The following RNF180 variants were observed in gnomAD, a reference collection of about 807,000 sequenced individuals.
RNF180 encodes the protein E3 ubiquitin-protein ligase RNF180.
RNF180 carries 38 observed loss-of-function variants against 59.2 expected under a neutral mutation model. The ratio of observed to expected loss-of-function variants is 0.64; its 90% CI spans 0.50 to 0.84. The LOEUF (loss-of-function observed/expected upper bound fraction) is 0.84. Ranked by LOEUF, RNF180 falls within the 40% of genes least tolerant of loss-of-function variation. The pLI is 0.00. For missense variants in RNF180, 705 were observed against 700.9 expected (o/e 1.01, Z -0.07); for synonymous variants, 262 against 240.3 (o/e 1.09, Z -0.84).
At chr5:64,215,048 G>T (rs1478811503) in intron 4 of RNF180, among the ~76,000 whole-genome samples, 1 of 151,980 alleles carries the variant, frequency 6.6e-6, no homozygotes, top group Non-Finnish European at 1.5e-5. Flanking sequence ...TATCTAAAGG[G>T]TAATTTACCC....
intron 2 of RNF180, among the ~76,000 whole-genome samples, chr5:64,203,763 T>C (rs1406072348): frequency 6.6e-6 from 1 of 152,134 alleles, no homozygotes; most frequent in Non-Finnish European, 1.5e-5. Context: ...GAGGGGGGCT[T>C]CTAAAGTAAT....
chr5:64,186,511 A>G (rs1039578144), intron 1 of RNF180, among the ~76,000 whole-genome samples: 1 of 152,020 alleles, frequency 6.6e-6, no homozygotes, highest in African/African-American at 2.4e-5. Context: ...CTCCCAGTCA[A>G]CTGGCTTAGA....
intron 5 of RNF180, among the ~76,000 whole-genome samples, chr5:64,288,699 G>A (rs1742416437): frequency 1.3e-5 from 2 of 152,068 alleles, no homozygotes; most frequent in Non-Finnish European, 2.9e-5. Context: ...CTGCCCACCT[G>A]TTGTTGGTTT....
intron 5 of RNF180, among the ~76,000 whole-genome samples, chr5:64,315,029 G>A (rs1443703297): frequency 1.4e-4 from 21 of 152,150 alleles, no homozygotes; most frequent in African/African-American, 5.1e-4. Flanking sequence ...TTTGCACTTT[G>A]AGTGGTTCAT....
chr5:64,343,295 A>G (rs925144642), intron 7 of RNF180, among the ~76,000 whole-genome samples: 3 of 152,168 alleles, frequency 2.0e-5, no homozygotes, highest in African/African-American at 7.2e-5. Context: ...CTATAAAAAA[A>G]GAATAAAACA....
At chr5:64,266,214 A>C (rs1185064800) in intron 5 of RNF180, among the ~76,000 whole-genome samples, 1 of 151,990 alleles carries the variant, frequency 6.6e-6, no homozygotes, top group Non-Finnish European at 1.5e-5. Flanking sequence ...CGCTTTATTT[A>C]TTTCTTTTGC....
intron 5 of RNF180, among the ~76,000 whole-genome samples, chr5:64,256,888 T>TCCTTC (rs1744001304): frequency 6.6e-6 from 1 of 152,140 alleles, no homozygotes; most frequent in African/African-American, 2.4e-5. Context: ...TGAGCAGTGG[T>TCCTTC]TTGTAGTTCT....
In RNF180 at chr5:64,176,338, T is replaced by C. The variant is rs1317988385; in HGVS notation, c.-1+10385T>C. Among the ~76,000 whole-genome samples the C allele has an allele frequency of 2.6e-5, 4 of 152,106 alleles. No homozygotes were observed. In the East Asian group the frequency reaches 7.7e-4, roughly 29 times the overall value. On this transcript the variant is annotated intron_variant, in intron 1 of 7. Coordinates refer to ENST00000389100, the MANE Select transcript of RNF180 (RefSeq NM_001113561.2). Reference sequence around the variant, plus strand: ...ATCCCCTTTTTCATTTCTAATTTTATTTGAGTCTCCTATCTTCTTTTTCTT... The same window carrying C: ...ATCCCCTTTTTCATTTCTAATTTTACTTGAGTCTCCTATCTTCTTTTTCTT...
intron 5 of RNF180, among the ~76,000 whole-genome samples, chr5:64,245,364 C>G (rs553487859): frequency 6.6e-6 from 1 of 152,154 alleles, no homozygotes; most frequent in African/African-American, 2.4e-5. Flanking sequence ...GTGCTGTATT[C>G]AGGAGACCAA....
intron 7 of RNF180, among the ~76,000 whole-genome samples, chr5:64,339,226 C>G (rs1398683910): frequency 6.6e-6 from 1 of 151,824 alleles, no homozygotes. Flanking sequence ...TTTATACATT[C>G]ATTTCTGTTC....
At chr5:64,217,526 T>C (rs1752697780) in intron 5 of RNF180, 130 bp downstream of exon 5, 2 of 1,264,034 alleles carry the variant, frequency 1.6e-6, no homozygotes, top group Non-Finnish European at 2.0e-6. Flanking sequence ...GTATTCTCAG[T>C]GTTTTAAAAT....
chr5:64,278,216 A>G (rs1353571017), intron 5 of RNF180, among the ~76,000 whole-genome samples: 2 of 152,204 alleles, frequency 1.3e-5, no homozygotes, highest in Admixed American at 1.3e-4. Context: ...CAGGGCCTGC[A>G]CTTTTAACGT....
intron 7 of RNF180, among the ~76,000 whole-genome samples, chr5:64,348,712 G>A (rs1380215891): frequency 6.6e-6 from 1 of 151,844 alleles, no homozygotes; most frequent in African/African-American, 2.4e-5. Context: ...AATATTTCCT[G>A]TTGGGATGAT....
At chr5:64,342,617 C>T (rs1033202576) in intron 7 of RNF180, among the ~76,000 whole-genome samples, 10 of 152,066 alleles carry the variant, frequency 6.6e-5, no homozygotes, top group Non-Finnish European at 1.3e-4. Context: ...TAAGAATCCT[C>T]CTTAAGATAT....
At chr5:64,190,176 T>C (rs975030472) in intron 1 of RNF180, among the ~76,000 whole-genome samples, 19 of 152,202 alleles carry the variant, frequency 1.2e-4, no homozygotes, top group African/African-American at 4.3e-4. Context: ...GCCGCTGTTA[T>C]GGTGGGCCTG....
At chr5:64,192,936 TATAA>T (rs1456114629) in intron 1 of RNF180, among the ~76,000 whole-genome samples, 28 of 126,796 alleles carry the variant, frequency 2.2e-4, no homozygotes, top group African/African-American at 7.1e-4. Flanking sequence ...TATATATATA[TATAA>T]AATGAAACAT....
chr5:64,258,284 A>G (rs567324887), intron 5 of RNF180, among the ~76,000 whole-genome samples: 1 of 152,312 alleles, frequency 6.6e-6, no homozygotes, highest in African/African-American at 2.4e-5. Flanking sequence ...GGAAATTTAA[A>G]AAAAGATTAA....
At chr5:64,246,248 C>T (rs1053925466) in intron 5 of RNF180, among the ~76,000 whole-genome samples, 18 of 151,828 alleles carry the variant, frequency 1.2e-4, no homozygotes, top group African/African-American at 3.1e-4. Flanking sequence ...TAGCAGAAGA[C>T]GAGTAATAAC....
Position 64,330,296 on chromosome 5 carries a change from CA to C in RNF180, c.1474del (p.Thr492LeufsTer8). On this transcript the variant is annotated frameshift_variant, in exon 7 of 8. Transcript: ENST00000389100. LOFTEE classifies it high-confidence loss of function. Reference protein sequence around the residue: ...VFFQTELNNATKTFFTKEYLK... With the variant: ...VFFQTELNNAXKTFFTKEYLK... ...TTTATTCTAGAATTGAACAATGCCA[CA>C]AAAACTTTCTTTACTAAAGAATATT... is the stretch of plus-strand genomic sequence containing the variant. 1.3e-6 allele frequency: 2 copies of C among 1,492,148 alleles called. No homozygotes were observed. The highest frequency in any genetic ancestry group is 1.8e-6 in the Non-Finnish European group (2 of 1,103,700). The allele number at this position is 1,492,148 out of a possible 1,614,324, so 92.4% of individuals were successfully genotyped here.
Sources: gnomAD v4.1 joint callset for allele counts (sites outside exome capture counted in the v4.1 genomes callset) on GRCh38, gnomAD v4.1.1 for gene constraint, MANE v1.5 for transcripts, NCBI Gene and HGNC (gene_info 2026-07-23, HGNC 2026-07-21) for gene names.